FUT8: variants seen among roughly 807,000 people sequenced by gnomAD.
FUT8 encodes fucosyltransferase 8.
In FUT8, 29 loss-of-function variants were observed where a neutral mutation model predicts 71.3. That is an observed-to-expected ratio of 0.41 (90% CI 0.30 to 0.55). FUT8 has a LOEUF of 0.55. Ranked by LOEUF, FUT8 falls within the 20% of genes least tolerant of loss-of-function variation. FUT8 has a pLI of 0.34. For synonymous variants in FUT8, 254 were observed against 239.3 expected (o/e 1.06, Z -0.57); for missense variants, 544 against 702.1 (o/e 0.77, Z 2.55).
intron 7 of FUT8, among the ~76,000 whole-genome samples, chr14:65,695,069 G>A (rs1893922093): frequency 6.6e-6 from 1 of 152,140 alleles, no homozygotes; most frequent in Non-Finnish European, 1.5e-5. Flanking sequence ...TTGTTAAGGT[G>A]TGTTTTGTAG....
At chr14:65,452,392 C>T (rs2065840996) in intron 1 of FUT8, among the ~76,000 whole-genome samples, 1 of 152,110 alleles carries the variant, frequency 6.6e-6, no homozygotes, top group African/African-American at 2.4e-5. Flanking sequence ...AGACATTGAT[C>T]CCCAAGGGAT....
intron 7 of FUT8, among the ~76,000 whole-genome samples, chr14:65,700,811 C>T (rs940611747): frequency 6.6e-6 from 1 of 152,122 alleles, no homozygotes; most frequent in Non-Finnish European, 1.5e-5. Context: ...TGCCTCTCAG[C>T]GTTCATCTTT....
chr14:65,718,766 C>T (rs528802231), intron 7 of FUT8, among the ~76,000 whole-genome samples: 9 of 151,996 alleles, frequency 5.9e-5, no homozygotes, highest in African/African-American at 1.9e-4. Context: ...TTTTTTTTCC[C>T]TCAGTAGTTT....
intron 2 of FUT8, among the ~76,000 whole-genome samples, chr14:65,507,880 CTCT>C (rs747006908): frequency 7.9e-5 from 12 of 152,070 alleles, no homozygotes; most frequent in Non-Finnish European, 1.8e-4. Context: ...AACGTCCAAA[CTCT>C]TCTTCATAGC....
chr14:65,589,143 A>C (rs1887547293), intron 3 of FUT8, among the ~76,000 whole-genome samples: 1 of 152,224 alleles, frequency 6.6e-6, no homozygotes, highest in African/African-American at 2.4e-5. Flanking sequence ...AGTGTTATAA[A>C]ATCCACCAAT....
At chr14:65,682,348 T>A (rs531450008) in intron 7 of FUT8, among the ~76,000 whole-genome samples, 209 of 152,034 alleles carry the variant, frequency 1.4e-3, no homozygotes, top group African/African-American at 4.8e-3. Context: ...AAAAATAAAA[T>A]TTTTTTTAAA....
intron 2 of FUT8, among the ~76,000 whole-genome samples, chr14:65,459,848 A>T (rs982320740): frequency 2.6e-5 from 4 of 151,414 alleles, no homozygotes; most frequent in African/African-American, 9.8e-5. Context: ...AAAAAATAAT[A>T]AAAAAAATAG....
At chr14:65,716,889 G>A (rs1895098925) in intron 7 of FUT8, among the ~76,000 whole-genome samples, 1 of 149,352 alleles carries the variant, frequency 6.7e-6, no homozygotes, top group Non-Finnish European at 1.5e-5. Flanking sequence ...CCCAGACGGG[G>A]CGGCCGGGCA....
chr14:65,577,466 C>A (rs1372200539), intron 3 of FUT8, among the ~76,000 whole-genome samples: 1 of 152,002 alleles, frequency 6.6e-6, no homozygotes, highest in Non-Finnish European at 1.5e-5. Context: ...GCAATAATAT[C>A]TATTTTGCAA....
chr14:65,660,790 A>G lies in FUT8; in HGVS notation c.598-8453A>G, dbSNP rs1301121788. Among the ~76,000 whole-genome samples, 2 of 152,184 alleles carry G rather than the reference A, an allele frequency of 1.3e-5. No homozygotes were observed. The highest frequency in any genetic ancestry group is 2.9e-5 in the Non-Finnish European group (2 of 68,024). On this transcript the variant is annotated intron_variant, in intron 6 of 10. Transcript: ENST00000673929. This position sits in a 1 kb window ranked among gnomAD's most constrained non-coding sequence, Gnocchi z 4.1. ...CTTTTTAATTGCCTCTTTCATGGTT[A>G]TTAACTGAGTCTTCATTTTAATTAC...
In FUT8 at chr14:65,467,954, A is replaced by G. The variant is rs997493318; in HGVS notation, c.-228+12236A>G. The G allele has an allele frequency of 2.3e-5, 17 of 726,032 alleles. No homozygotes were observed. In the African/African-American group the frequency reaches 2.8e-4, roughly 12 times the overall value. 45.0% of individuals were successfully genotyped at this position (726,032 alleles called of 1,614,324 possible). ...CTTTGGCTTCTTTCTTTTTCCGATC[A>G]TTTTCCTTTACGTGTTTCAGGAAGC... On this transcript the variant is annotated intron_variant, in intron 2 of 10. Coordinates refer to ENST00000673929, the MANE Select transcript of FUT8 (RefSeq NM_001371533.1). The surrounding 1 kb of genome is among the most constrained non-coding windows in gnomAD (Gnocchi z 4.1).
the FUT8 span, among the ~76,000 whole-genome samples, chr14:65,360,696 T>C: frequency 6.6e-6 from 1 of 152,288 alleles, no homozygotes; most frequent in East Asian, 1.9e-4. Context: ...TGTGCCTGGG[T>C]TTTCTCATCT....
At chr14:65,496,578 C>T (rs2066563080) in intron 2 of FUT8, among the ~76,000 whole-genome samples, 1 of 152,136 alleles carries the variant, frequency 6.6e-6, no homozygotes, top group Non-Finnish European at 1.5e-5. Flanking sequence ...ACAGTTCCTC[C>T]TTCACCCACT....
intron 2 of FUT8, among the ~76,000 whole-genome samples, chr14:65,500,285 C>T (rs958750463): frequency 3.3e-5 from 5 of 152,112 alleles, no homozygotes; most frequent in Non-Finnish European, 7.4e-5. Context: ...TATGCCTTGG[C>T]TCTGTGTCAT....
chr14:65,530,842 C>G (rs573353890), intron 2 of FUT8, among the ~76,000 whole-genome samples: 103 of 150,426 alleles, frequency 6.8e-4, no homozygotes, highest in Admixed American at 1.3e-3. Flanking sequence ...CCTCCCTCCC[C>G]CTCTCTTCCT....
At chr14:65,587,934 A>G (rs559869217) in intron 3 of FUT8, among the ~76,000 whole-genome samples, 1 of 152,330 alleles carries the variant, frequency 6.6e-6, no homozygotes, top group South Asian at 2.1e-4. Context: ...TGAATCTGAT[A>G]TAATTAATAG....
At chr14:65,672,521 A>G (rs1474241637) in intron 7 of FUT8, among the ~76,000 whole-genome samples, 1 of 152,158 alleles carries the variant, frequency 6.6e-6, no homozygotes, top group African/African-American at 2.4e-5. Context: ...GTGCGGGGGC[A>G]TGATCCTAGC....
Position 65,742,190 on chromosome 14 carries a change from A to G in FUT8, c.1508A>G (p.Asn503Ser), listed in dbSNP as rs1182631569. Reference sequence around the variant, plus strand: ...GACATCTACTATTTTGGGGGCCAGAATGCCCACAATCAAATTGCCATTTAT... The same window carrying G: ...GACATCTACTATTTTGGGGGCCAGAGTGCCCACAATCAAATTGCCATTTAT... The part of the protein sequence containing the change: ...LDDIYYFGGQ[N>S]AHNQIAIYAH... Residue 503 changes from asparagine to serine, a missense_variant, in exon 11 of 11, where the codon AAT becomes AGT. By Grantham distance (46) the Asn-to-Ser change is conservative. Coordinates refer to ENST00000673929, the MANE Select transcript of FUT8 (RefSeq NM_001371533.1). 1 of 1,613,062 alleles carries G rather than the reference A, an allele frequency of 6.2e-7. No individual in the cohort carries two copies. The highest frequency in any genetic ancestry group is 8.5e-7 in the Non-Finnish European group (1 of 1,179,410).
intron 6 of FUT8, among the ~76,000 whole-genome samples, chr14:65,657,604 T>C (rs963426276): frequency 1.3e-5 from 2 of 152,114 alleles, no homozygotes; most frequent in South Asian, 2.1e-4. Flanking sequence ...TCTTACTTAT[T>C]TGTGGGAGCT....
Sources: allele counts gnomAD v4.1 joint callset (sites outside exome capture counted in the v4.1 genomes callset), GRCh38; gene constraint gnomAD v4.1.1; non-coding constraint Gnocchi (gnomAD v3.1); transcripts MANE v1.5; gene names NCBI Gene and HGNC (gene_info 2026-07-23, HGNC 2026-07-21).